The following BAIAP2L1 variants were observed in gnomAD, a reference collection of about 807,000 sequenced individuals.
BAIAP2L1 encodes the protein BAR/IMD domain containing adaptor protein 2 like 1.
A neutral mutation model predicts 66.3 loss-of-function variants in BAIAP2L1; 35 were observed. That is an observed-to-expected ratio of 0.53 (90% CI 0.40 to 0.70). The LOEUF is 0.70. BAIAP2L1 is among the 30% of genes least tolerant of loss of function. The probability of loss-of-function intolerance (pLI) is 0.00; values close to 1 mark genes in which losing one functional copy is unlikely to be tolerated. For synonymous variants in BAIAP2L1, 269 were observed against 248.7 expected, an observed-to-expected ratio of 1.08 and a Z score of -0.77; for missense variants, 622 against 656.9, an observed-to-expected ratio of 0.95 and a Z score of 0.58.
intron 3 of BAIAP2L1, among the ~76,000 whole-genome samples, chr7:98,320,805 A>G (rs1801220649): frequency 6.6e-6 from 1 of 152,150 alleles, no homozygotes. Context: ...CTTCTACAAC[A>G]TAATTAATCA....
chr7:98,386,822 C>T lies in BAIAP2L1; in HGVS notation c.51+13980G>A, dbSNP rs917752927. On this transcript the variant is annotated intron_variant, in intron 1 of 13. Coordinates refer to ENST00000005260, the MANE Select transcript of BAIAP2L1 (RefSeq NM_018842.5). ...TCAAGTGATTCTCCTGCCTCAGCCTCCCGAGTAGCTGGGACTACAGGCGCC... is the reference window on the plus strand; with the variant it reads ...TCAAGTGATTCTCCTGCCTCAGCCTTCCGAGTAGCTGGGACTACAGGCGCC... 2.6e-5 allele frequency among the ~76,000 whole-genome samples: 4 copies of T among 151,152 alleles called. No individual in the cohort carries two copies. The East Asian group carries it at 7.8e-4, about 30-fold the overall frequency.
rs796548075 is a variant in BAIAP2L1 at position 98,302,928 on chromosome 7, A to G, written c.1422+1268T>C. On this transcript the variant is annotated intron_variant, in intron 12 of 13. Transcript: ENST00000005260. ...GCCTCCTGAACAGCTGGGACTACAG[A>G]CATGTGCCACCGTACCTGGCTAATT... 3.6e-4 allele frequency among the ~76,000 whole-genome samples: 55 copies of G among 152,206 alleles called. 1 individual carries two copies. The highest frequency in any genetic ancestry group is 1.3e-3 in the African/African-American group (54 of 41,522).
intron 3 of BAIAP2L1, among the ~76,000 whole-genome samples, chr7:98,352,478 C>G (rs1802021031): frequency 6.6e-6 from 1 of 152,004 alleles, no homozygotes. Flanking sequence ...CATGTGTCTA[C>G]TAAAAATATG....
At chr7:98,384,815 C>T (rs2394853) in intron 1 of BAIAP2L1, among the ~76,000 whole-genome samples, 10 of 151,196 alleles carry the variant, frequency 6.6e-5, no homozygotes, top group Non-Finnish European at 1.5e-4. Flanking sequence ...TCTCCTGCCT[C>T]AGCCTCCCAA....
rs754630499 is a variant in BAIAP2L1 at position 98,374,741 on chromosome 7, CCT to C, written c.52-12311_52-12310del. ...TTCTGCCTGGGCAAATACGTCTGAC[CCT>C]CTCTCTCTTCTTTCCCATAAAAAAA... On this transcript the variant is annotated intron_variant, in intron 1 of 13. Coordinates refer to ENST00000005260, the MANE Select transcript of BAIAP2L1 (RefSeq NM_018842.5). 2.6e-5 allele frequency among the ~76,000 whole-genome samples: 4 copies of C among 151,720 alleles called. No homozygotes were observed. In the East Asian group the frequency reaches 7.7e-4, roughly 29 times the overall value.
chr7:98,294,111 T>G lies in BAIAP2L1; in HGVS notation c.1423A>C (p.Asn475His). ...PASKPETAAP[N>H]DANGTAKPPF... ...GGCTTTGCAGTCCCGTTGGCATCGT[T>G]CTGTGAGAAAGATAAAGAAGTTTAT... The change falls in exon 13 of 14, where the codon AAC becomes CAC. Residue 475 changes from asparagine (N) to histidine (H), a missense_variant and splice_region_variant. Physicochemically the swap from Asn to His is moderately conservative, Grantham distance 68. Transcript: ENST00000005260. The G allele has an allele frequency of 1.2e-6, 2 of 1,614,090 alleles. No homozygotes were observed. Among genetic ancestry groups the G allele is most frequent in the Non-Finnish European group, 1.7e-6 (2 of 1,179,928 alleles).
intron 1 of BAIAP2L1, among the ~76,000 whole-genome samples, chr7:98,391,135 C>T (rs1377320390): frequency 1.3e-5 from 2 of 151,190 alleles, no homozygotes; most frequent in Non-Finnish European, 2.9e-5. Flanking sequence ...AGCCACTGTG[C>T]CCGGCCCATA....
At chr7:98,364,974 G>A (rs991702558) in intron 1 of BAIAP2L1, among the ~76,000 whole-genome samples, 1 of 93,368 alleles carries the variant, frequency 1.1e-5, no homozygotes, top group African/African-American at 4.0e-5. Flanking sequence ...GTGACAGAGT[G>A]AGGATATGTC....
At chr7:98,339,962 G>A (rs562276716) in intron 3 of BAIAP2L1, among the ~76,000 whole-genome samples, 1 of 152,264 alleles carries the variant, frequency 6.6e-6, no homozygotes, top group South Asian at 2.1e-4. Context: ...GCAGCTCCTT[G>A]GCCAGCGGTC....
chr7:98,328,064 AC>A (rs900342600), intron 3 of BAIAP2L1, among the ~76,000 whole-genome samples: 11 of 152,016 alleles, frequency 7.2e-5, no homozygotes, highest in Non-Finnish European at 1.6e-4. Flanking sequence ...CAGCACAAAT[AC>A]ACCTTCATTT....
At chr7:98,304,992 A>G (rs182923512) in intron 11 of BAIAP2L1, among the ~76,000 whole-genome samples, 3,685 of 149,490 alleles carry the variant, frequency 0.025, 152 homozygotes, top group African/African-American at 0.087. Context: ...CAGCCTCCCA[A>G]GTAGCCGGGA....
intron 3 of BAIAP2L1, among the ~76,000 whole-genome samples, chr7:98,354,732 C>A (rs567398758): frequency 6.6e-6 from 1 of 152,138 alleles, no homozygotes; most frequent in African/African-American, 2.4e-5. Flanking sequence ...CCAGGAGGCC[C>A]GGCTCGCCCA....
chr7:98,296,909 C>T (rs751966341), intron 12 of BAIAP2L1, among the ~76,000 whole-genome samples: 6 of 152,258 alleles, frequency 3.9e-5, no homozygotes, highest in Non-Finnish European at 8.8e-5. Flanking sequence ...GCATACCTCA[C>T]ACTCAGCCCA....
rs1195433621 is a variant in BAIAP2L1 at position 98,317,307 on chromosome 7, A to C, written c.398T>G (p.Leu133Trp). 1 of 1,614,208 alleles carries C rather than the reference A, an allele frequency of 6.2e-7. No individual in the cohort carries two copies. The highest frequency in any genetic ancestry group is 8.5e-7 in the Non-Finnish European group (1 of 1,180,016). The change falls in exon 6 of 14, where the codon TTG (leucine) becomes TGG (tryptophan). Residue 133 changes from leucine (L) to tryptophan (W), a missense_variant. Leu to Trp is a moderately conservative substitution (Grantham distance 61). Coordinates refer to ENST00000005260, the MANE Select transcript of BAIAP2L1 (RefSeq NM_018842.5). ...QTEHKNKLES[L>W]EKSQAELKKI... ...CTTCAACTCAGCTTGGGATTTCTCC[A>C]AAGACTCTAATTTATTCTTGTGTTC...
intron 1 of BAIAP2L1, among the ~76,000 whole-genome samples, chr7:98,390,621 A>T (rs565191380): frequency 6.6e-6 from 1 of 151,788 alleles, no homozygotes; most frequent in Non-Finnish European, 1.5e-5. Flanking sequence ...AGTCCCAGCT[A>T]CTCAGGAGGC....
rs528009966 is a variant in BAIAP2L1 at position 98,362,055 on chromosome 7, T to TA, written c.127+301dup. ...TTCTGTGCTGTAGGACCCTAACTTA[T>TA]AAATGTCTCATGTACACATTTTATA... On this transcript the variant is annotated intron_variant, in intron 2 of 13. Coordinates refer to ENST00000005260, the MANE Select transcript of BAIAP2L1 (RefSeq NM_018842.5). Among the ~76,000 whole-genome samples, 55 of 152,306 alleles carry TA rather than the reference T, an allele frequency of 3.6e-4. 1 individual carries two copies. In the South Asian group the frequency reaches 0.011, roughly 31 times the overall value.
intron 3 of BAIAP2L1, among the ~76,000 whole-genome samples, chr7:98,334,749 T>C (rs777107788): frequency 1.3e-5 from 2 of 151,696 alleles, no homozygotes; most frequent in African/African-American, 2.4e-5. Context: ...TTTCACCATA[T>C]TGGTCAGGCT....
intron 11 of BAIAP2L1, 24 bp from the exon 12 acceptor site, chr7:98,304,400 A>G: frequency 6.2e-7 from 1 of 1,612,362 alleles, no homozygotes; most frequent in Non-Finnish European, 8.5e-7. Flanking sequence ...AGGACACAGC[A>G]CGTGTTAGAT....
intron 12 of BAIAP2L1, among the ~76,000 whole-genome samples, chr7:98,303,736 C>T (rs1424149982): frequency 2.0e-5 from 3 of 152,258 alleles, no homozygotes; most frequent in South Asian, 2.1e-4. Context: ...TAACCCTAAA[C>T]GCCGTGCCTA....
Sources: allele counts gnomAD v4.1 joint callset (sites outside exome capture counted in the v4.1 genomes callset), GRCh38; gene constraint gnomAD v4.1.1; transcripts MANE v1.5; gene names NCBI Gene and HGNC (gene_info 2026-07-23, HGNC 2026-07-21).